MORC2: variants seen among roughly 807,000 people sequenced by gnomAD.
MORC2 encodes MORC family CW-type zinc finger 2, also known as ATPase MORC2.
In MORC2, 30 loss-of-function variants were observed where a neutral mutation model predicts 136.0. The observed-to-expected ratio is 0.22, with a 90% CI of 0.17 to 0.30. MORC2 has a LOEUF of 0.30. MORC2 is among the 10% of genes least tolerant of loss of function. The pLI is 1.00. For missense variants in MORC2, 922 were observed against 1,333.1 expected, an observed-to-expected ratio of 0.69 and a Z score of 4.80; for synonymous variants, 439 against 487.0, an observed-to-expected ratio of 0.90 and a Z score of 1.30.
chr22:30,938,318 G>GT, intron 12 of MORC2, 113 bp from the exon 13 acceptor site: 2 of 1,240,286 alleles, frequency 1.6e-6, no homozygotes, highest in Non-Finnish European at 2.2e-6. Flanking sequence ...CAAAAGTTTT[G>GT]TATCTCTATT....
intron 6 of MORC2, among the ~76,000 whole-genome samples, chr22:30,943,119 A>G (rs1372791485): frequency 6.6e-6 from 1 of 152,264 alleles, no homozygotes; most frequent in African/African-American, 2.4e-5. Context: ...ACTAGCATCA[A>G]CATGGATGAA....
At chr22:30,933,445 C>CA (rs761885208) in intron 21 of MORC2, 21 bp downstream of exon 21, 3 of 1,613,130 alleles carry the variant, frequency 1.9e-6, no homozygotes, top group Non-Finnish European at 2.5e-6. Context: ...CACAGGCTGC[C>CA]AAGTCACTCC....
Position 30,934,722 on chromosome 22 carries a change from A to C in MORC2, c.2193+59T>G, listed in dbSNP as rs1602481154. On this transcript the variant is annotated intron_variant, in intron 19 of 25. Coordinates refer to ENST00000397641, the MANE Select transcript of MORC2 (RefSeq NM_001303256.3). This position sits in a 1 kb window ranked among gnomAD's most constrained non-coding sequence, Gnocchi z 4.4. ...CCCCAGTACAGCTGTGACACTGCACAATTCCATTCCTACACTACTGACACT... is the reference window on the plus strand; with the variant it reads ...CCCCAGTACAGCTGTGACACTGCACCATTCCATTCCTACACTACTGACACT... 2.3e-5 allele frequency: 36 copies of C among 1,582,802 alleles called. No individual in the cohort carries two copies. The African/African-American group carries it at 3.0e-4, about 13-fold the overall frequency.
Position 30,934,280 on chromosome 22 carries a change from A to G in MORC2, c.2194-89T>C. 1 of 1,558,558 alleles carries G rather than the reference A, an allele frequency of 6.4e-7. No individual in the cohort carries two copies. The highest frequency in any genetic ancestry group is 8.7e-7 in the Non-Finnish European group (1 of 1,146,726). ...TCATCTAGCCTAAAGGAGTCGTTCC[A>G]AGAGGAGCTGTACTCCCTGCAATCC... On this transcript the variant is annotated intron_variant, in intron 19 of 25. Coordinates refer to ENST00000397641, the MANE Select transcript of MORC2 (RefSeq NM_001303256.3). This position sits in a 1 kb window ranked among gnomAD's most constrained non-coding sequence, Gnocchi z 4.4.
chr22:30,959,922 T>C (rs1375399377), intron 1 of MORC2, among the ~76,000 whole-genome samples: 1 of 152,244 alleles, frequency 6.6e-6, no homozygotes, highest in African/African-American at 2.4e-5. Context: ...GGAATATTGT[T>C]TTTTCTTCCT....
intron 1 of MORC2, chr22:30,967,592 T>C (rs2041148279): frequency 3.7e-6 from 5 of 1,343,620 alleles, no homozygotes; most frequent in Non-Finnish European, 1.9e-6. Flanking sequence ...AAAGTTTGCA[T>C]TTAGAAAATT....
chr22:30,948,535 C>G (rs567585812), intron 5 of MORC2, among the ~76,000 whole-genome samples: 4 of 152,336 alleles, frequency 2.6e-5, no homozygotes, highest in African/African-American at 9.6e-5. Context: ...AATTCTTAAC[C>G]TACTTGGTAT....
Position 30,939,622 on chromosome 22 carries a change from G to A in MORC2, c.1072C>T (p.Arg358Ter), listed in dbSNP as rs1198727868. 1.9e-6 allele frequency: 3 copies of A among 1,613,860 alleles called. No individual in the cohort carries two copies. Among genetic ancestry groups the A allele is most frequent in the African/African-American group, 1.3e-5 (1 of 74,924 alleles). Reference protein sequence around the residue: ...VKKRIKEAKQRALKEPKELNF... With the variant: ...VKKRIKEAKQ The stretch of plus-strand genomic sequence containing the variant: ...TCCAAGGACAGGCCTGGCACTCACC[G>A]CTGCTTGGCCTCCTTGATCCTCTTC... The change falls in exon 12 of 26, where the codon CGA (arginine) becomes TGA (stop). Residue 358 changes from arginine to a stop codon, truncating the protein, a stop_gained and splice_region_variant. Coordinates refer to ENST00000397641, the MANE Select transcript of MORC2 (RefSeq NM_001303256.3). LOFTEE classifies it high-confidence loss of function.
intron 1 of MORC2, among the ~76,000 whole-genome samples, chr22:30,959,523 C>T (rs2041013234): frequency 6.6e-6 from 1 of 152,122 alleles, no homozygotes; most frequent in South Asian, 2.1e-4. Context: ...ATTGGTAAAA[C>T]AAAATGCTAA....
At chr22:30,938,260 G>C (rs2040687215) in intron 12 of MORC2, 55 bp from the exon 13 acceptor site, 3 of 1,599,720 alleles carry the variant, frequency 1.9e-6, no homozygotes, top group Non-Finnish European at 1.7e-6. Context: ...AAGCACCATA[G>C]TGTTTAAGAT....
intron 6 of MORC2, among the ~76,000 whole-genome samples, chr22:30,945,647 C>T (rs1008923499): frequency 3.9e-5 from 6 of 152,188 alleles, no homozygotes; most frequent in African/African-American, 9.7e-5. Flanking sequence ...GACATCTGAG[C>T]CACAAGGAGA....
chr22:30,927,921 T>A, intron 25 of MORC2, 98 bp downstream of exon 25: 2 of 1,432,230 alleles, frequency 1.4e-6, no homozygotes, highest in South Asian at 2.5e-5. Context: ...TAGATTCCTG[T>A]GAGTGGATAG....
At chr22:30,931,323 G>C (rs149879702) in intron 24 of MORC2, among the ~76,000 whole-genome samples, 1 of 152,160 alleles carries the variant, frequency 6.6e-6, no homozygotes, top group Admixed American at 6.5e-5. Context: ...GGTTGCTTTC[G>C]TGCTATAATG....
At position 30,937,644 on chromosome 22, in the gene MORC2, T is replaced by C. The variant is rs3747151; in HGVS notation, c.1437A>G (p.Pro479=). 543,326 of 1,613,566 alleles carry C rather than the reference T, an allele frequency of 0.34. 96,481 individuals carry two copies. Among genetic ancestry groups the C allele is most frequent in the East Asian group, 0.63 (28,359 of 44,856 alleles). ...GYLSANWNQP[P]SSELRYKRRR... is the part of the protein sequence containing the mutation. ...GGCGTTTGTAACGCAGCTCACTGGA[T>C]GGGGGCTGGTTCCAGTTGGCAGAGA... The change falls in exon 15 of 26, where the codon CCA becomes CCG. Residue 479 remains proline (P), a synonymous_variant. Coordinates refer to ENST00000397641, the MANE Select transcript of MORC2 (RefSeq NM_001303256.3). This position sits in a 1 kb window ranked among gnomAD's most constrained non-coding sequence, Gnocchi z 4.7.
chr22:30,938,614 G>A (rs552626671), intron 12 of MORC2, among the ~76,000 whole-genome samples: 2 of 152,212 alleles, frequency 1.3e-5, no homozygotes, highest in African/African-American at 2.4e-5. Context: ...CTGTCGCCCA[G>A]GCTGGAGTGC....
chr22:30,959,260 T>C (rs1377127859), intron 1 of MORC2, among the ~76,000 whole-genome samples: 4 of 152,190 alleles, frequency 2.6e-5, no homozygotes, highest in South Asian at 2.1e-4. Context: ...GTTCCCCTCC[T>C]TGAAGGGGTT....
chr22:30,943,545 C>G (rs985482607), intron 6 of MORC2, among the ~76,000 whole-genome samples: 2 of 152,226 alleles, frequency 1.3e-5, no homozygotes, highest in Non-Finnish European at 2.9e-5. Context: ...CCCAGAGGCT[C>G]CTCCCTCGGT....
intron 1 of MORC2, 188 bp from the exon 2 acceptor site, chr22:30,958,882 C>T (rs939519428): frequency 3.3e-4 from 177 of 542,056 alleles, no homozygotes; most frequent in Non-Finnish European, 3.2e-4. Context: ...TTTAACAAGT[C>T]CTGCCATCTA....
rs942432278 is a variant in MORC2, at chr22:30,936,801, A to G, written c.1604+131T>C. 7.7e-6 allele frequency: 10 copies of G among 1,290,700 alleles called. No individual in the cohort carries two copies. In the African/African-American group the frequency reaches 1.0e-4, roughly 13 times the overall value. 80.0% of individuals were successfully genotyped at this position (1,290,700 alleles called of 1,614,324 possible). Reference sequence around the variant, plus strand: ...CTTATACACTGCAGGACATACATCTATTTTTATTTCTTGGGCAGTTATTAG... The same window carrying G: ...CTTATACACTGCAGGACATACATCTGTTTTTATTTCTTGGGCAGTTATTAG... On this transcript the variant is annotated intron_variant, in intron 16 of 25. Transcript: ENST00000397641.
Sources: gnomAD v4.1 joint callset for allele counts (sites outside exome capture counted in the v4.1 genomes callset) on GRCh38, gnomAD v4.1.1 for gene constraint, Gnocchi (gnomAD v3.1) non-coding constraint, MANE v1.5 for transcripts, NCBI Gene and HGNC (gene_info 2026-07-23, HGNC 2026-07-21) for gene names.